Variants in ACVR2A observed in about 807,000 individuals in gnomAD.
The protein encoded by ACVR2A is activin A receptor type 2A, also known as activin receptor type-2A.
A neutral mutation model predicts 61.4 loss-of-function variants in ACVR2A; 7 were observed. The ratio of observed to expected loss-of-function variants is 0.11; its 90% CI spans 0.06 to 0.21. The LOEUF (loss-of-function observed/expected upper bound fraction) is 0.21. ACVR2A is among the 10% of genes least tolerant of loss of function. The probability of loss-of-function intolerance (pLI) is 1.00; values close to 1 mark genes in which losing one functional copy is unlikely to be tolerated. For synonymous variants in ACVR2A, 193 were observed against 208.3 expected (o/e 0.93, Z 0.63); for missense variants, 322 against 621.7 (o/e 0.52, Z 5.13).
intron 4 of ACVR2A, among the ~76,000 whole-genome samples, chr2:147,909,690 T>G (rs1687070367): frequency 6.6e-6 from 1 of 152,194 alleles, no homozygotes; most frequent in African/African-American, 2.4e-5. Flanking sequence ...CAGGCGGGAA[T>G]GCAGTGGCAT....
At position 147,928,134 on chromosome 2, in the gene ACVR2A, A is replaced by G. The variant is rs954880306; in HGVS notation, c.*860A>G. On this transcript the variant is annotated 3_prime_UTR_variant, in exon 11 of 11. Transcript: ENST00000241416. ...TGTTTTAAAGCCCCATCTTATATCCAGTTCCCAAAATTTGCATACTTACCT... is the reference window on the plus strand; with the variant it reads ...TGTTTTAAAGCCCCATCTTATATCCGGTTCCCAAAATTTGCATACTTACCT... 1 of 152,240 alleles carries G rather than the reference A, an allele frequency of 6.6e-6. No homozygotes were observed. The highest frequency in any genetic ancestry group is 1.5e-5 in the Non-Finnish European group (1 of 67,902). 9.4% of individuals were successfully genotyped at this position (152,240 alleles called of 1,614,324 possible).
upstream of ACVR2A, chr2:147,844,588 G>C (rs1461118393): frequency 1.3e-5 from 2 of 152,774 alleles, no homozygotes; most frequent in Non-Finnish European, 2.9e-5. Context: ...CTTGGCCGCC[G>C]CCTGCACCGC....
chr2:147,867,978 G>A (rs1685907808), intron 1 of ACVR2A, among the ~76,000 whole-genome samples: 1 of 152,092 alleles, frequency 6.6e-6, no homozygotes, highest in South Asian at 2.1e-4. Flanking sequence ...AAGTTGTTAG[G>A]TGCTTCTTTC....
intron 8 of ACVR2A, 121 bp downstream of exon 8, chr2:147,920,465 GT>G: frequency 1.4e-6 from 1 of 713,868 alleles, no homozygotes; most frequent in Non-Finnish European, 2.3e-6. Context: ...ATCTAATAGA[GT>G]TATCAAAGTT....
intron 7 of ACVR2A, 53 bp from the exon 8 acceptor site, chr2:147,920,177 T>A (rs1687345622): frequency 8.0e-7 from 1 of 1,256,962 alleles, no homozygotes; most frequent in Non-Finnish European, 1.1e-6. Flanking sequence ...CAATAAAAAA[T>A]TTAAAAAGGT....
At chr2:147,881,602 A>AGTGTGTGTGT (rs145075375) in intron 1 of ACVR2A, among the ~76,000 whole-genome samples, 47 of 81,482 alleles carry the variant, frequency 5.8e-4, no homozygotes, top group African/African-American at 1.1e-3. Flanking sequence ...GAAGCTGCTT[A>AGTGTGTGTGT]GTGTGTGTGT....
Position 147,930,461 on chromosome 2 carries a change from G to C in ACVR2A, c.*3187G>C, listed in dbSNP as rs1469352872. ...TTTTTAGGAACATTTGGTATGATAT[G>C]CATAAAATTATTTATCCATTTATGG... On this transcript the variant is annotated 3_prime_UTR_variant, in exon 11 of 11. Transcript: ENST00000241416. The C allele has an allele frequency of 6.7e-6, 1 of 149,684 alleles. No homozygotes were observed. Among genetic ancestry groups the C allele is most frequent in the Non-Finnish European group, 1.5e-5 (1 of 67,512 alleles). The allele number at this position is 149,684 out of a possible 1,614,324, so 9.3% of individuals were successfully genotyped here. A position where few individuals can be genotyped will look rare whatever the true frequency, so the allele number is the denominator to read the frequency against.
At chr2:147,907,965 G>A (rs536411351) in intron 4 of ACVR2A, among the ~76,000 whole-genome samples, 12 of 151,262 alleles carry the variant, frequency 7.9e-5, no homozygotes, top group Non-Finnish European at 1.8e-4. Flanking sequence ...CTTGAACCTG[G>A]GAGGCGGAGC....
intron 2 of ACVR2A, among the ~76,000 whole-genome samples, chr2:147,899,016 T>A (rs1214188775): frequency 6.6e-6 from 1 of 152,164 alleles, no homozygotes; most frequent in Non-Finnish European, 1.5e-5. Flanking sequence ...TTTATATGTA[T>A]ACATACACAC....
chr2:147,888,539 C>T (rs746947202), intron 1 of ACVR2A, among the ~76,000 whole-genome samples: 5 of 152,008 alleles, frequency 3.3e-5, no homozygotes, highest in Non-Finnish European at 5.9e-5. Flanking sequence ...TCAGAGCAAC[C>T]GTAACTGGTG....
At chr2:147,868,833 A>G (rs1343747877) in intron 1 of ACVR2A, among the ~76,000 whole-genome samples, 3 of 151,746 alleles carry the variant, frequency 2.0e-5, no homozygotes, top group African/African-American at 7.3e-5. Flanking sequence ...GGATCTTGCC[A>G]TGTTGCCCAG....
intron 4 of ACVR2A, among the ~76,000 whole-genome samples, chr2:147,911,290 G>T (rs1687104390): frequency 2.0e-5 from 3 of 152,070 alleles, no homozygotes; most frequent in Admixed American, 2.0e-4. Flanking sequence ...GGATTAAACT[G>T]GAGTCAAGAA....
At chr2:147,922,855 A>C (rs1687416796) in intron 8 of ACVR2A, 118 bp from the exon 9 acceptor site, 17 of 940,412 alleles carry the variant, frequency 1.8e-5, no homozygotes, top group Non-Finnish European at 2.3e-5. Flanking sequence ...TATACGCTAT[A>C]GTGTGTATAC....
intron 1 of ACVR2A, among the ~76,000 whole-genome samples, chr2:147,852,792 A>G (rs1036172843): frequency 2.0e-5 from 3 of 152,122 alleles, no homozygotes; most frequent in Non-Finnish European, 2.9e-5. Flanking sequence ...AGGAAAAGAC[A>G]CAAAATAGCA....
chr2:147,907,108 G>C (rs1325860592), intron 4 of ACVR2A, among the ~76,000 whole-genome samples: 1 of 151,996 alleles, frequency 6.6e-6, no homozygotes, highest in East Asian at 1.9e-4. Flanking sequence ...TTCTGTTCCT[G>C]GGTTAGTTTG....
intron 1 of ACVR2A, among the ~76,000 whole-genome samples, chr2:147,894,020 T>C (rs1210171563): frequency 1.3e-5 from 2 of 152,152 alleles, no homozygotes; most frequent in East Asian, 1.9e-4. Context: ...ATGATATGTT[T>C]AGAATTAATT....
rs1029026046 is a variant in ACVR2A, at chr2:147,928,527, T to C, written c.*1253T>C. 3 of 152,238 alleles carry C rather than the reference T, an allele frequency of 2.0e-5. No individual in the cohort carries two copies. The highest frequency in any genetic ancestry group is 7.3e-5 in the African/African-American group (3 of 41,356). 9.4% of individuals were successfully genotyped at this position (152,238 alleles called of 1,614,324 possible). On this transcript the variant is annotated 3_prime_UTR_variant, in exon 11 of 11. Transcript: ENST00000241416. ...TAAAGATATTAAACTTTAAGCAGAT[T>C]TCAGATGTTACTGCTTTAAAACAAA...
At chr2:147,922,341 C>A (rs1452371412) in intron 8 of ACVR2A, among the ~76,000 whole-genome samples, 1 of 152,040 alleles carries the variant, frequency 6.6e-6, no homozygotes, top group Admixed American at 6.6e-5. Flanking sequence ...TCGAATACAT[C>A]GCAAGTATGT....
intron 1 of ACVR2A, among the ~76,000 whole-genome samples, chr2:147,856,240 C>A (rs140548590): frequency 2.0e-5 from 3 of 152,236 alleles, no homozygotes; most frequent in South Asian, 4.1e-4. Context: ...GGCAGAAGTT[C>A]AGCTGTAGCA....
Sources: gnomAD v4.1 joint callset for allele counts (sites outside exome capture counted in the v4.1 genomes callset) on GRCh38, gnomAD v4.1.1 for gene constraint, MANE v1.5 for transcripts, NCBI Gene and HGNC (gene_info 2026-07-23, HGNC 2026-07-21) for gene names.